The following MED13L variants were observed in gnomAD, a reference collection of about 807,000 sequenced individuals.
MED13L encodes mediator of RNA polymerase II transcription subunit 13-like.
In MED13L, 7 loss-of-function variants were observed where a neutral mutation model predicts 220.9. The observed-to-expected ratio is 0.03, with a 90% CI of 0.02 to 0.06. MED13L has a LOEUF of 0.06. MED13L is among the 10% of genes least tolerant of loss of function. MED13L has a pLI of 1.00. For missense variants in MED13L, 1,965 were observed against 2,760.5 expected (o/e 0.71, Z 6.46); for synonymous variants, 1,011 against 1,015.2 (o/e 1.00, Z 0.08).
intron 1 of MED13L, among the ~76,000 whole-genome samples, chr12:116,238,408 A>T (rs1225506334): frequency 6.6e-6 from 1 of 152,256 alleles, no homozygotes; most frequent in Non-Finnish European, 1.5e-5. Flanking sequence ...TCTTTGATCC[A>T]TTACATACGT....
At position 116,008,783 on chromosome 12, in the gene MED13L, G is replaced by T; in HGVS notation, c.1630C>A (p.Pro544Thr). 6.2e-7 allele frequency: 1 copy of T among 1,613,988 alleles called. No homozygotes were observed. The highest frequency in any genetic ancestry group is 2.2e-5 in the East Asian group (1 of 44,836). The change falls in exon 10 of 31, where the codon CCT (proline) becomes ACT (threonine). Residue 544 changes from proline to threonine, a missense_variant. Pro to Thr is a conservative substitution (Grantham distance 38). Around this residue, in one of 10 missense-constraint regions of MED13L, gnomAD observed 818 missense variants for 1,041.2 expected, o/e 0.79. Coordinates refer to ENST00000281928, the MANE Select transcript of MED13L (RefSeq NM_015335.5). ...RNTSKQMNLN[P>T]MDSPHSPISP... The stretch of plus-strand genomic sequence containing the variant: ...ATAGGGGAATGAGGTGAATCCATAG[G>T]ATTCAGATTCATTTGCTTGCTTGTA...
chr12:115,963,381 G>C, intron 30 of MED13L, 26 bp downstream of exon 30: 1 of 1,496,962 alleles, frequency 6.7e-7, no homozygotes, highest in Non-Finnish European at 9.3e-7. Flanking sequence ...AAATTGCACT[G>C]CTATGATGCC....
rs1367549951 is a variant in MED13L at position 116,019,764 on chromosome 12, A to G, written c.820+14T>C. ...AGAAGAATAAAGTTCTTCAGGCAAAATATTTTCTCTTACCAACAATTACTT... is the reference window on the plus strand; with the variant it reads ...AGAAGAATAAAGTTCTTCAGGCAAAGTATTTTCTCTTACCAACAATTACTT... On this transcript the variant is annotated intron_variant, in intron 6 of 30. Transcript: ENST00000281928. The G allele has an allele frequency of 1.9e-6, 3 of 1,611,608 alleles. No individual in the cohort carries two copies. The highest frequency in any genetic ancestry group is 8.5e-7 in the Non-Finnish European group (1 of 1,177,926).
chr12:116,022,021 T>A (rs1441742323), intron 5 of MED13L, among the ~76,000 whole-genome samples: 1 of 152,152 alleles, frequency 6.6e-6, no homozygotes, highest in Non-Finnish European at 1.5e-5. Context: ...ATTCTAGAAC[T>A]TTGATTCTGA....
At chr12:116,044,987 T>C (rs898176422) in intron 4 of MED13L, among the ~76,000 whole-genome samples, 1 of 151,910 alleles carries the variant, frequency 6.6e-6, no homozygotes, top group Non-Finnish European at 1.5e-5. Context: ...GCAAACTGTA[T>C]ATGCAAAAAA....
rs542425590 is a variant in MED13L at position 116,007,645 on chromosome 12, CA to C, written c.2013-10del. ...TAGGTTGTGCTAAGAGTCTAAAAGA[CA>C]AAAAAAAAAAAAAAAAAAAGAGCAT... On this transcript the variant is annotated splice_polypyrimidine_tract_variant and intron_variant, in intron 10 of 30. Coordinates refer to ENST00000281928, the MANE Select transcript of MED13L (RefSeq NM_015335.5). 95,597 of 742,072 alleles carry C rather than the reference CA, an allele frequency of 0.13. 141 individuals are homozygous for C. The highest frequency in any genetic ancestry group is 0.15 in the African/African-American group (5,374 of 36,778). The allele number at this position is 742,072 out of a possible 1,614,324, so 46.0% of individuals were successfully genotyped here.
Position 116,277,418 on chromosome 12 carries a change from T to TGCC in MED13L, c.-290_-288dup. ...CCTCAGCCGCCGCCGCCGCCGCTGC[T>TGCC]GCCGCTGCCGCCGCCTTGTTTATCT... On this transcript the variant is annotated 5_prime_UTR_variant, in exon 1 of 31. Coordinates refer to ENST00000281928, the MANE Select transcript of MED13L (RefSeq NM_015335.5). 6.5e-6 allele frequency: 1 copy of TGCC among 154,870 alleles called. No homozygotes were observed. The highest frequency in any genetic ancestry group is 1.4e-5 in the Non-Finnish European group (1 of 72,784). The allele number at this position is 154,870 out of a possible 1,614,324, so 9.6% of individuals were successfully genotyped here.
In MED13L at chr12:116,245,715, G is replaced by C. The variant is rs540213620; in HGVS notation, c.73-8010C>G. 2.6e-5 allele frequency among the ~76,000 whole-genome samples: 4 copies of C among 151,230 alleles called. No homozygotes were observed. The South Asian group carries it at 8.4e-4, about 32-fold the overall frequency. Reference sequence around the variant, plus strand: ...TAAAATGTTTAGAAGATAAAGTTTAGGAAATCTCCCAGAAAGTGAAACAAA... The same window carrying C: ...TAAAATGTTTAGAAGATAAAGTTTACGAAATCTCCCAGAAAGTGAAACAAA... On this transcript the variant is annotated intron_variant, in intron 1 of 30. Transcript: ENST00000281928.
intron 1 of MED13L, among the ~76,000 whole-genome samples, chr12:116,242,851 T>TTCC (rs1257831961): frequency 6.6e-6 from 1 of 152,218 alleles, no homozygotes; most frequent in African/African-American, 2.4e-5. Context: ...TATAAATTCT[T>TTCC]TCCATTCTGC....
intron 9 of MED13L, among the ~76,000 whole-genome samples, chr12:116,009,906 C>T (rs1190478805): frequency 6.6e-6 from 1 of 152,150 alleles, no homozygotes; most frequent in Non-Finnish European, 1.5e-5. Context: ...ATCTGTACAA[C>T]AAAGTTATAC....
At chr12:115,975,346 G>C (rs1295396547) in intron 24 of MED13L, 33 bp from the exon 25 acceptor site, 15 of 1,613,836 alleles carry the variant, frequency 9.3e-6, no homozygotes, top group Non-Finnish European at 1.3e-5. Context: ...AGGGGAAGGG[G>C]TCCCTAGATA....
intron 2 of MED13L, among the ~76,000 whole-genome samples, chr12:116,128,494 T>G (rs1875794077): frequency 6.6e-6 from 1 of 151,634 alleles, no homozygotes; most frequent in Non-Finnish European, 1.5e-5. Context: ...AAACTCACAA[T>G]GTAAAGTAGT....
intron 2 of MED13L, among the ~76,000 whole-genome samples, chr12:116,125,244 G>A (rs1875477928): frequency 6.6e-6 from 1 of 152,214 alleles, no homozygotes; most frequent in Non-Finnish European, 1.5e-5. Flanking sequence ...GCTGAGGTGG[G>A]AGGACACATG....
chr12:116,189,883 G>A (rs974434887), intron 2 of MED13L, among the ~76,000 whole-genome samples: 9 of 152,046 alleles, frequency 5.9e-5, no homozygotes, highest in Non-Finnish European at 1.3e-4. Context: ...TGTTTATTTT[G>A]TTGTACCCTG....
intron 1 of MED13L, among the ~76,000 whole-genome samples, chr12:116,250,038 A>C (rs1565949237): frequency 6.7e-6 from 1 of 149,178 alleles, no homozygotes; most frequent in Admixed American, 6.7e-5. Flanking sequence ...AAAAAAAAAA[A>C]AAAAAAAAAA....
At chr12:115,979,913 T>C (rs1481003432) in intron 23 of MED13L, among the ~76,000 whole-genome samples, 1 of 142,486 alleles carries the variant, frequency 7.0e-6, no homozygotes, top group African/African-American at 2.6e-5. Context: ...AAAATTCCCT[T>C]TGAGATCCAC....
chr12:116,098,148 AAGG>A (rs1004315019), intron 3 of MED13L, among the ~76,000 whole-genome samples: 8 of 152,174 alleles, frequency 5.3e-5, no homozygotes, highest in African/African-American at 1.9e-4. Flanking sequence ...CGGGAGGCTG[AAGG>A]AGGAGAATCA....
At chr12:116,075,654 G>C (rs913718425) in intron 4 of MED13L, among the ~76,000 whole-genome samples, 1 of 152,086 alleles carries the variant, frequency 6.6e-6, no homozygotes, top group African/African-American at 2.4e-5. Context: ...TGTAGCTTTC[G>C]ATCCTGCCAT....
chr12:116,194,496 C>A (rs570982028), intron 2 of MED13L, among the ~76,000 whole-genome samples: 60 of 152,202 alleles, frequency 3.9e-4, no homozygotes, highest in Non-Finnish European at 7.1e-4. Flanking sequence ...CAGGGTATTT[C>A]CTAATCATAG....
Sources: allele counts gnomAD v4.1 joint callset (sites outside exome capture counted in the v4.1 genomes callset), GRCh38; gene constraint gnomAD v4.1.1; regional missense constraint gnomAD v4.1.1; transcripts MANE v1.5; gene names NCBI Gene and HGNC (gene_info 2026-07-23, HGNC 2026-07-21).